Variants in GNB1 observed in about 807,000 individuals in gnomAD.
GNB1 encodes G protein subunit beta 1, also known as guanine nucleotide-binding protein G(I)/G(S)/G(T) subunit beta-1.
GNB1 carries 2 observed loss-of-function variants against 42.9 expected under a neutral mutation model. That is an observed-to-expected ratio of 0.05 (90% CI 0.02 to 0.15). The LOEUF (loss-of-function observed/expected upper bound fraction) is 0.15. GNB1 is among the 10% of genes least tolerant of loss of function. The pLI, the probability that GNB1 is intolerant of heterozygous loss-of-function variation, is 1.00. For synonymous variants in GNB1, 183 were observed against 174.7 expected (o/e 1.05, Z -0.38); for missense variants, 193 against 462.2 (o/e 0.42, Z 5.34).
At chr1:1,814,589 C>T (rs956037781) in intron 5 of GNB1, among the ~76,000 whole-genome samples, 5 of 151,760 alleles carry the variant, frequency 3.3e-5, no homozygotes, top group Non-Finnish European at 7.4e-5. Flanking sequence ...ACTTAGGGGC[C>T]AGGAGTTTGA....
At chr1:1,886,799 G>T (rs936727210) in intron 1 of GNB1, among the ~76,000 whole-genome samples, 2 of 152,126 alleles carry the variant, frequency 1.3e-5, no homozygotes, top group Non-Finnish European at 2.9e-5. Flanking sequence ...TCCCCCTCCC[G>T]GGTTCCTGCC....
In GNB1 at chr1:1,786,046, T is replaced by A; in HGVS notation, c.*1017A>T. The stretch of plus-strand genomic sequence containing the variant: ...ATTCTAAGAGTAAACCCACCCAATA[T>A]GGCAAACAATCAAAATTTTTAAAAT... On this transcript the variant is annotated 3_prime_UTR_variant, in exon 12 of 12. Transcript: ENST00000378609. 2.5e-6 allele frequency: 1 copy of A among 398,648 alleles called. No individual in the cohort carries two copies. Among genetic ancestry groups the A allele is most frequent in the Non-Finnish European group, 4.4e-6 (1 of 226,044 alleles). 24.7% of individuals were successfully genotyped at this position (398,648 alleles called of 1,614,324 possible). A position where few individuals can be genotyped will look rare whatever the true frequency, so the allele number is the denominator to read the frequency against.
intron 1 of GNB1, among the ~76,000 whole-genome samples, chr1:1,881,913 G>A (rs767889606): frequency 6.6e-6 from 1 of 152,040 alleles, no homozygotes; most frequent in Non-Finnish European, 1.5e-5. Flanking sequence ...CATCTCATCA[G>A]CCTAGGATAC....
intron 1 of GNB1, among the ~76,000 whole-genome samples, chr1:1,890,131 C>T (rs1650398057): frequency 6.6e-6 from 1 of 152,176 alleles, no homozygotes; most frequent in African/African-American, 2.4e-5. Flanking sequence ...CGCGGGGCGC[C>T]AGCGCCGGAC....
At position 1,806,499 on chromosome 1, in the gene GNB1, G is replaced by A. The variant is rs372953414; in HGVS notation, c.243C>T (p.Ile81=). The A allele has an allele frequency of 6.2e-7, 1 of 1,610,826 alleles. No individual in the cohort carries two copies. Among genetic ancestry groups the A allele is most frequent in the African/African-American group, 1.3e-5 (1 of 74,852 alleles). The stretch of plus-strand genomic sequence containing the variant: ...CCTTGTTGGTGGTGTAGCTGTCCCA[G>A]ATGATAAGTTTACCATCCTGCGAGG... ...VSASQDGKLI[I]WDSYTTNKVH... The change falls in exon 6 of 12, where the codon ATC becomes ATT. Residue 81 remains isoleucine (I), a synonymous_variant. Coordinates refer to ENST00000378609, the MANE Select transcript of GNB1 (RefSeq NM_002074.5).
At chr1:1,800,675 C>T (rs760390233) in intron 7 of GNB1, among the ~76,000 whole-genome samples, 1 of 149,848 alleles carries the variant, frequency 6.7e-6, no homozygotes, top group African/African-American at 2.5e-5. Context: ...ATTCAAGATG[C>T]CAAAGTGCAA....
At chr1:1,865,003 C>G (rs1434836982) in intron 1 of GNB1, among the ~76,000 whole-genome samples, 1 of 152,220 alleles carries the variant, frequency 6.6e-6, no homozygotes, top group Non-Finnish European at 1.5e-5. Flanking sequence ...TGGCTCATGC[C>G]TGTAATCCCA....
chr1:1,848,004 G>C (rs1647764266), intron 1 of GNB1, among the ~76,000 whole-genome samples: 2 of 150,902 alleles, frequency 1.3e-5, no homozygotes, highest in African/African-American at 4.9e-5. Context: ...GACTTCTTTA[G>C]GACACAGAGC....
intron 3 of GNB1, among the ~76,000 whole-genome samples, chr1:1,818,903 CAAAG>C (rs1290111306): frequency 6.6e-6 from 1 of 151,908 alleles, no homozygotes; most frequent in East Asian, 1.9e-4. Flanking sequence ...TAAAGGAAAA[CAAAG>C]AAAAATAAAT....
intron 1 of GNB1, among the ~76,000 whole-genome samples, chr1:1,845,131 TAAC>T (rs1381072029): frequency 6.6e-6 from 1 of 152,124 alleles, no homozygotes; most frequent in Non-Finnish European, 1.5e-5. Flanking sequence ...AATAAAAAGA[TAAC>T]AATACCTGTA....
chr1:1,890,404 CGCCCCGCCTGCA>C (rs1023253934), intron 1 of GNB1: 7 of 150,458 alleles, frequency 4.7e-5, no homozygotes, highest in Admixed American at 1.3e-4. Flanking sequence ...CCGCCGACAC[CGCCCCGCCTGCA>C]GGCCCGCCCG....
chr1:1,856,964 G>A (rs951210484), intron 1 of GNB1, among the ~76,000 whole-genome samples: 1 of 152,204 alleles, frequency 6.6e-6, no homozygotes, highest in African/African-American at 2.4e-5. Context: ...GGAGAGCCCA[G>A]GTATATGGAG....
chr1:1,819,507 C>T (rs1050305525), intron 3 of GNB1, among the ~76,000 whole-genome samples: 1 of 151,792 alleles, frequency 6.6e-6, no homozygotes, highest in Non-Finnish European at 1.5e-5. Context: ...AGGCGTGAGC[C>T]ACCCCGCCTG....
intron 1 of GNB1, among the ~76,000 whole-genome samples, chr1:1,885,602 G>A (rs1650106323): frequency 7.3e-6 from 1 of 136,298 alleles, no homozygotes; most frequent in Non-Finnish European, 1.5e-5. Context: ...AGTCACCCAG[G>A]CTGGAGTGCA....
chr1:1,868,628 A>C (rs1470359555), intron 1 of GNB1, among the ~76,000 whole-genome samples: 1 of 151,450 alleles, frequency 6.6e-6, no homozygotes, highest in African/African-American at 2.4e-5. Context: ...TAAAAATACA[A>C]AAAAATTAGC....
At chr1:1,809,315 C>T (rs1557893627) in intron 5 of GNB1, among the ~76,000 whole-genome samples, 1 of 151,118 alleles carries the variant, frequency 6.6e-6, no homozygotes, top group South Asian at 2.1e-4. Context: ...GCTGGAATTA[C>T]AGGTGTGCAC....
chr1:1,806,787 A>G (rs1646700813), intron 5 of GNB1, among the ~76,000 whole-genome samples: 1 of 152,184 alleles, frequency 6.6e-6, no homozygotes, highest in African/African-American at 2.4e-5. Context: ...CAGCCTGGCC[A>G]GCATGGCGAA....
chr1:1,843,152 A>C (rs1570701522), intron 1 of GNB1, among the ~76,000 whole-genome samples: 1 of 152,218 alleles, frequency 6.6e-6, no homozygotes, highest in East Asian at 1.9e-4. Context: ...AGTACTTTCC[A>C]GATCAAGGGA....
At chr1:1,868,496 A>C (rs907231753) in intron 1 of GNB1, among the ~76,000 whole-genome samples, 3 of 152,158 alleles carry the variant, frequency 2.0e-5, no homozygotes, top group Non-Finnish European at 4.4e-5. Flanking sequence ...AAAAGTGAAA[A>C]AGTTAGCCGG....
Sources: allele counts gnomAD v4.1 joint callset (sites outside exome capture counted in the v4.1 genomes callset), GRCh38; gene constraint gnomAD v4.1.1; transcripts MANE v1.5; gene names NCBI Gene and HGNC (gene_info 2026-07-23, HGNC 2026-07-21).